The following CERS6 variants were observed in gnomAD, a reference collection of about 807,000 sequenced individuals.
CERS6 encodes ceramide synthase 6, also known as LAG1 homolog, ceramide synthase 6.
In CERS6, 26 loss-of-function variants were observed where a neutral mutation model predicts 56.8. That is an observed-to-expected ratio of 0.46 (90% CI 0.34 to 0.63). The LOEUF (loss-of-function observed/expected upper bound fraction) is 0.63, where lower values mean the gene tolerates loss of function less well. Among genes scored for constraint, CERS6 ranks in the 30% least tolerant of loss-of-function variants. CERS6 has a pLI of 0.01. For missense variants in CERS6, 415 were observed against 467.5 expected, an observed-to-expected ratio of 0.89 and a Z score of 1.04; for synonymous variants, 164 against 173.3, an observed-to-expected ratio of 0.95 and a Z score of 0.42.
chr2:168,627,747 T>C (rs1684623568), intron 3 of CERS6, among the ~76,000 whole-genome samples: 1 of 152,116 alleles, frequency 6.6e-6, no homozygotes, highest in South Asian at 2.1e-4. Flanking sequence ...ACATTTTTTT[T>C]AGTCTTTTTG....
intron 3 of CERS6, among the ~76,000 whole-genome samples, chr2:168,620,014 TACACACACACACACACAC>T (rs1160024194): frequency 1.7e-3 from 106 of 61,264 alleles, no homozygotes; most frequent in African/African-American, 4.4e-3. Context: ...CCACAATCCA[TACACACACACACACACAC>T]ACACACACAC....
intron 3 of CERS6, among the ~76,000 whole-genome samples, chr2:168,619,946 A>C (rs1459386903): frequency 6.7e-6 from 1 of 148,274 alleles, no homozygotes; most frequent in African/African-American, 2.5e-5. Context: ...CCCATCAATC[A>C]ACAAAGTGGA....
intron 1 of CERS6, among the ~76,000 whole-genome samples, chr2:168,519,217 A>G (rs949620539): frequency 6.6e-6 from 1 of 152,136 alleles, no homozygotes; most frequent in Non-Finnish European, 1.5e-5. Flanking sequence ...CATTTTTCAA[A>G]TTGTTTTCCT....
rs1684738120 is a variant in CERS6, at chr2:168,631,649, T to C, written c.465+607T>C. Among the ~76,000 whole-genome samples, 6 of 93,146 alleles carry C rather than the reference T, an allele frequency of 6.4e-5. No individual in the cohort carries two copies. In the South Asian group the frequency reaches 2.1e-3, roughly 33 times the overall value. 61.1% of individuals were successfully genotyped at this position (93,146 alleles called of 152,430 possible). On this transcript the variant is annotated intron_variant, in intron 4 of 9. Coordinates refer to ENST00000305747, the MANE Select transcript of CERS6 (RefSeq NM_203463.3). Reference sequence around the variant, plus strand: ...TATAATATATAGCATATTTTATATTTATATTATATATAACATTTTATATTT... The same window carrying C: ...TATAATATATAGCATATTTTATATTCATATTATATATAACATTTTATATTT...
intron 1 of CERS6, among the ~76,000 whole-genome samples, chr2:168,495,016 T>TA (rs1694440889): frequency 6.6e-6 from 1 of 152,208 alleles, no homozygotes; most frequent in Non-Finnish European, 1.5e-5. Flanking sequence ...ATGTTTAAGT[T>TA]ATTGCTGTCA....
intron 3 of CERS6, among the ~76,000 whole-genome samples, chr2:168,588,212 A>C (rs1030275637): frequency 6.6e-6 from 1 of 151,560 alleles, no homozygotes; most frequent in Non-Finnish European, 1.5e-5. Context: ...GAGCCACTGC[A>C]CCTGGCCTTT....
chr2:168,615,665 G>T (rs1684299996), intron 3 of CERS6, among the ~76,000 whole-genome samples: 1 of 152,060 alleles, frequency 6.6e-6, no homozygotes, highest in Non-Finnish European at 1.5e-5. Context: ...GTCCAACAAA[G>T]ACAAAGAAAA....
chr2:168,685,287 A>G (rs1686319850), intron 4 of CERS6, among the ~76,000 whole-genome samples: 1 of 152,216 alleles, frequency 6.6e-6, no homozygotes, highest in Non-Finnish European at 1.5e-5. Flanking sequence ...TTAAATCAAA[A>G]TAGTTATTAA....
In CERS6 at chr2:168,547,646, C is replaced by T. The variant is rs1192540806; in HGVS notation, c.221C>T (p.Pro74Leu). 6.2e-7 allele frequency: 1 copy of T among 1,614,032 alleles called. No individual in the cohort carries two copies. Among genetic ancestry groups the T allele is most frequent in the Non-Finnish European group, 8.5e-7 (1 of 1,179,904 alleles). Residue 74 changes from proline (P) to leucine (L), a missense_variant, in exon 2 of 10, where the codon CCA (proline) becomes CTA (leucine). By Grantham distance (98) the Pro-to-Leu change is moderately conservative. Transcript: ENST00000305747. Reference protein sequence around the residue: ...AIALNIQANGPQIAPPNAILE... With the variant: ...AIALNIQANGLQIAPPNAILE... ...GCCCTCAACATTCAGGCCAATGGAC[C>T]ACAAATTGCTCCGCCCAATGCCATT...
At chr2:168,623,944 T>C (rs1684531922) in intron 3 of CERS6, among the ~76,000 whole-genome samples, 2 of 152,192 alleles carry the variant, frequency 1.3e-5, no homozygotes, top group Non-Finnish European at 2.9e-5. Context: ...GGGTCTTCTA[T>C]CTGTAGAATA....
intron 6 of CERS6, among the ~76,000 whole-genome samples, chr2:168,703,572 CA>C (rs956514988): frequency 9.3e-5 from 14 of 150,854 alleles, no homozygotes; most frequent in African/African-American, 3.2e-4. Flanking sequence ...AACAAACAAA[CA>C]AAAAAAAAGT....
chr2:168,736,739 A>G (rs1683727165), intron 8 of CERS6, among the ~76,000 whole-genome samples: 1 of 152,236 alleles, frequency 6.6e-6, no homozygotes, highest in African/African-American at 2.4e-5. Flanking sequence ...AGTCAAAGAG[A>G]ATCGTGTGAT....
intron 6 of CERS6, among the ~76,000 whole-genome samples, chr2:168,699,003 G>A (rs912739545): frequency 3.9e-5 from 6 of 152,114 alleles, no homozygotes; most frequent in South Asian, 4.1e-4. Flanking sequence ...GAATTTGGCC[G>A]CTACCAGGCA....
rs761730340 is a variant in CERS6 at position 168,561,212 on chromosome 2, G to T, written c.297G>T (p.Leu99Phe). The change falls in exon 3 of 10, where the codon TTG becomes TTT. Residue 99 changes from leucine (L) to phenylalanine (F), a missense_variant. Coordinates refer to ENST00000305747, the MANE Select transcript of CERS6 (RefSeq NM_203463.3). ...AITKHPDEKR[L>F]EGLSKQLDWD... is the part of the protein sequence containing the mutation. ...CATAGCATCCTGATGAAAAGAGATT[G>T]GAAGGCCTCTCCAAGCAACTGGACT... 6.2e-7 allele frequency: 1 copy of T among 1,614,012 alleles called. No homozygotes were observed. Among genetic ancestry groups the T allele is most frequent in the South Asian group, 1.1e-5 (1 of 91,078 alleles).
chr2:168,660,577 G>A (rs1685604330), intron 4 of CERS6, among the ~76,000 whole-genome samples: 1 of 151,318 alleles, frequency 6.6e-6, no homozygotes. Flanking sequence ...AATATATTTT[G>A]ACCACTACCT....
intron 1 of CERS6, among the ~76,000 whole-genome samples, chr2:168,502,432 GAGA>G (rs896681299): frequency 2.6e-5 from 4 of 152,072 alleles, no homozygotes; most frequent in African/African-American, 9.7e-5. Context: ...TCCATAAGTG[GAGA>G]AGAAGTCACT....
chr2:168,747,152 G>T (rs1277599032), intron 8 of CERS6, among the ~76,000 whole-genome samples: 1 of 151,960 alleles, frequency 6.6e-6, no homozygotes, highest in Non-Finnish European at 1.5e-5. Context: ...CGAGCATGAT[G>T]GTGCATGCCT....
intron 7 of CERS6, among the ~76,000 whole-genome samples, chr2:168,716,480 T>C (rs1574186122): frequency 2.0e-5 from 3 of 152,000 alleles, no homozygotes; most frequent in African/African-American, 7.2e-5. Flanking sequence ...GAAAAAAAAA[T>C]TCAGAAATCT....
chr2:168,698,255 G>GAAAAAAAAAAAAAAAAAAAAAAAAAA (rs869056813), intron 6 of CERS6, among the ~76,000 whole-genome samples: 1 of 17,954 alleles, frequency 5.6e-5, no homozygotes, highest in Non-Finnish European at 3.0e-4. Context: ...AAAAAAAAAA[G>GAAAAAAAAAAAAAAAAAAAAAAAAAA]AAAAAAAAAA....
Sources: gnomAD v4.1 joint callset for allele counts (sites outside exome capture counted in the v4.1 genomes callset) on GRCh38, gnomAD v4.1.1 for gene constraint, MANE v1.5 for transcripts, NCBI Gene and HGNC (gene_info 2026-07-23, HGNC 2026-07-21) for gene names.